Variants in LRRK2 observed in about 807,000 individuals in gnomAD.
LRRK2 encodes the protein leucine rich repeat kinase 2.
In LRRK2, 203 loss-of-function variants were observed where a neutral mutation model predicts 302.6. The observed-to-expected ratio is 0.67, with a 90% CI of 0.60 to 0.75. The LOEUF (loss-of-function observed/expected upper bound fraction) is 0.75, where lower values mean the gene tolerates loss of function less well. Among genes scored for constraint, LRRK2 ranks in the 30% least tolerant of loss-of-function variants. The pLI, the probability that LRRK2 is intolerant of heterozygous loss-of-function variation, is 0.00. For missense variants in LRRK2, 2,830 were observed against 2,951.0 expected (o/e 0.96, Z 0.95); for synonymous variants, 1,066 against 1,031.9 (o/e 1.03, Z -0.63).
In LRRK2 at chr12:40,321,788, C is replaced by T. The variant is rs4423250; in HGVS notation, c.5171-247C>T. Among the ~76,000 whole-genome samples, 13,280 of 152,056 alleles carry T rather than the reference C, an allele frequency of 0.087. 874 individuals carry two copies. The highest frequency in any genetic ancestry group is 0.12 in the Middle Eastern group (35 of 294). On this transcript the variant is annotated intron_variant, in intron 35 of 50. Coordinates refer to ENST00000298910, the MANE Select transcript of LRRK2 (RefSeq NM_198578.4). ...TTTATGATTTTCTTTCTTCATCTGTCGAGCATATTAAACTGCTTAACAGCA... is the reference window on the plus strand; with the variant it reads ...TTTATGATTTTCTTTCTTCATCTGTTGAGCATATTAAACTGCTTAACAGCA...
chr12:40,329,664 CT>C (rs1945655131), intron 39 of LRRK2, among the ~76,000 whole-genome samples: 1 of 151,990 alleles, frequency 6.6e-6, no homozygotes, highest in Non-Finnish European at 1.5e-5. Context: ...AATGGATTCT[CT>C]ATTGTTATGT....
chr12:40,358,968 ATT>A (rs890068247), intron 46 of LRRK2, among the ~76,000 whole-genome samples: 1 of 151,850 alleles, frequency 6.6e-6, no homozygotes, highest in African/African-American at 2.4e-5. Flanking sequence ...TATTTTATTA[ATT>A]TTTTGTAGCT....
intron 2 of LRRK2, among the ~76,000 whole-genome samples, chr12:40,227,211 T>G (rs1172357425): frequency 6.6e-6 from 1 of 152,190 alleles, no homozygotes; most frequent in African/African-American, 2.4e-5. Flanking sequence ...GTATATATTT[T>G]GGGGATACAT....
In LRRK2 at chr12:40,340,966, C is replaced by T. The variant is rs528360353; in HGVS notation, c.6109+512C>T. Among the ~76,000 whole-genome samples the T allele has an allele frequency of 5.3e-5, 8 of 152,300 alleles. No individual in the cohort carries two copies. The South Asian group carries it at 1.7e-3, about 32-fold the overall frequency. Reference sequence around the variant, plus strand: ...CTCATGCTCAGTGTGAATATGCATACATTTTGCTGCAGAAATATATACATG... The same window carrying T: ...CTCATGCTCAGTGTGAATATGCATATATTTTGCTGCAGAAATATATACATG... On this transcript the variant is annotated intron_variant, in intron 41 of 50. Coordinates refer to ENST00000298910, the MANE Select transcript of LRRK2 (RefSeq NM_198578.4).
At position 40,299,263 on chromosome 12, in the gene LRRK2, T is replaced by C; in HGVS notation, c.3496+6T>C. 3 of 1,612,950 alleles carry C rather than the reference T, an allele frequency of 1.9e-6. No individual in the cohort carries two copies. The highest frequency in any genetic ancestry group is 1.7e-6 in the Non-Finnish European group (2 of 1,179,390). ...TGCCAGAATGAATTTTCTTGGTAAG[T>C]GTTCTGTGTGGGTCTCCTCCTTACC... On this transcript the variant is annotated splice_donor_region_variant and intron_variant, in intron 25 of 50. Coordinates refer to ENST00000298910, the MANE Select transcript of LRRK2 (RefSeq NM_198578.4).
intron 3 of LRRK2, among the ~76,000 whole-genome samples, chr12:40,233,952 C>T (rs1941317533): frequency 6.6e-6 from 1 of 152,190 alleles, no homozygotes; most frequent in African/African-American, 2.4e-5. Flanking sequence ...CTGCTGTCTC[C>T]AGTGGAGTGT....
At chr12:40,298,843 T>C (rs1356322948) in intron 24 of LRRK2, among the ~76,000 whole-genome samples, 1 of 115,534 alleles carries the variant, frequency 8.7e-6, no homozygotes, top group South Asian at 2.8e-4. Context: ...TATATATTTA[T>C]TATATATAAT....
rs1481581956 is a variant in LRRK2 at position 40,364,885 on chromosome 12, T to A, written c.7225T>A (p.Ser2409Thr). ...AAACAAGGAATCAAAACACAAAATG[T>A]CTTATTCTGGGAGAGTGAAAACCCT... ...KENKESKHKM[S>T]YSGRVKTLCL... Residue 2409 changes from serine to threonine, a missense_variant, in exon 49 of 51, where the codon TCT becomes ACT. Ser to Thr is a moderately conservative substitution (Grantham distance 58, BLOSUM62 1). Transcript: ENST00000298910. 1 of 1,612,258 alleles carries A rather than the reference T, an allele frequency of 6.2e-7. No homozygotes were observed. The highest frequency in any genetic ancestry group is 1.3e-5 in the African/African-American group (1 of 74,824).
chr12:40,310,655 A>G lies in LRRK2; in HGVS notation c.4536+6A>G, dbSNP rs199973559. ...ACGAGAGCCTTAATTTCAAGGTAAC[A>G]TGGTAGGCTGGTAGAGAAATGTAAT... On this transcript the variant is annotated splice_donor_region_variant and intron_variant, in intron 31 of 50. Transcript: ENST00000298910. 2.0e-5 allele frequency: 32 copies of G among 1,612,394 alleles called. No homozygotes were observed. The highest frequency in any genetic ancestry group is 4.5e-5 in the East Asian group (2 of 44,880).
chr12:40,331,088 C>T (rs1207829451), intron 39 of LRRK2, among the ~76,000 whole-genome samples: 1 of 151,934 alleles, frequency 6.6e-6, no homozygotes, highest in Admixed American at 6.6e-5. Context: ...GTTATTTGCT[C>T]TGTGGGTTCA....
chr12:40,315,119 G>C lies in LRRK2; in HGVS notation c.4739-93G>C, dbSNP rs978033463. The C allele has an allele frequency of 4.6e-5, 48 of 1,036,770 alleles. 1 individual carries two copies. Among genetic ancestry groups the C allele is most frequent in the Middle Eastern group, 2.1e-4 (1 of 4,760 alleles). 64.2% of individuals were successfully genotyped at this position (1,036,770 alleles called of 1,614,324 possible). A position where few individuals can be genotyped will look rare whatever the true frequency, so the allele number is the denominator to read the frequency against. ...TAGCTATGCTGAAATTTCTTCACCTGCAAAATGAGGAAGTTGGACTAGATT... is the reference window on the plus strand; with the variant it reads ...TAGCTATGCTGAAATTTCTTCACCTCCAAAATGAGGAAGTTGGACTAGATT... On this transcript the variant is annotated intron_variant, in intron 32 of 50. Transcript: ENST00000298910.
intron 5 of LRRK2, among the ~76,000 whole-genome samples, chr12:40,239,979 T>G (rs540648594): frequency 1.2e-4 from 18 of 152,266 alleles, no homozygotes; most frequent in South Asian, 6.2e-4. Flanking sequence ...ATGATTTATA[T>G]TTTTGCTGTC....
Position 40,257,390 on chromosome 12 carries a change from C to A in LRRK2, c.1418+13C>A, listed in dbSNP as rs1942567416. The A allele has an allele frequency of 6.2e-7, 1 of 1,610,530 alleles. No individual in the cohort carries two copies. Among genetic ancestry groups the A allele is most frequent in the East Asian group, 2.2e-5 (1 of 44,674 alleles). On this transcript the variant is annotated intron_variant, in intron 12 of 50. Transcript: ENST00000298910. ...TTTTTGAAGGAAGGTAATATAGATT[C>A]ATTAACTTGTACAGAATATATCATA...
In LRRK2 at chr12:40,225,499, G is replaced by A. The variant is rs2723273; in HGVS notation, c.152-56G>A. On this transcript the variant is annotated intron_variant, in intron 1 of 50. Coordinates refer to ENST00000298910, the MANE Select transcript of LRRK2 (RefSeq NM_198578.4). ...TCTCCCCGTTTCAGACTAAAAAGGA[G>A]AGGGGGTGCTGTGGATTGTGACTTT... 1,463,021 of 1,471,046 alleles carry A rather than the reference G, an allele frequency of 0.99. 727,872 individuals carry two copies. Among genetic ancestry groups the A allele is most frequent in the East Asian group, 1 (44,117 of 44,118 alleles). The allele number at this position is 1,471,046 out of a possible 1,614,324, so 91.1% of individuals were successfully genotyped here. A position where few individuals can be genotyped will look rare whatever the true frequency, so the allele number is the denominator to read the frequency against.
At chr12:40,355,375 G>A (rs1946493978) in intron 45 of LRRK2, among the ~76,000 whole-genome samples, 2 of 152,012 alleles carry the variant, frequency 1.3e-5, no homozygotes, top group Admixed American at 6.6e-5. Flanking sequence ...GAAACGTACT[G>A]GAGCACCTTG....
Position 40,328,367 on chromosome 12 carries a change from C to T in LRRK2, c.5664C>T (p.Gly1888=). Residue 1888 remains glycine (G), a synonymous_variant, in exon 39 of 51, where the codon GGC becomes GGT. Coordinates refer to ENST00000298910, the MANE Select transcript of LRRK2 (RefSeq NM_198578.4). ...EQAPEFLLGD[G]SFGSVYRAAY... Reference sequence around the variant, plus strand: ...GTATTTTCTTTTCAAAAGGTGATGGCAGTTTTGGATCAGTTTACCGAGCAG... The same window carrying T: ...GTATTTTCTTTTCAAAAGGTGATGGTAGTTTTGGATCAGTTTACCGAGCAG... 6.2e-7 allele frequency: 1 copy of T among 1,613,312 alleles called. No individual in the cohort carries two copies.
chr12:40,272,242 A>G (rs1943261946), intron 14 of LRRK2, among the ~76,000 whole-genome samples: 3 of 152,222 alleles, frequency 2.0e-5, no homozygotes, highest in African/African-American at 7.2e-5. Flanking sequence ...CTGTTAATCA[A>G]ACAGAAAGTT....
intron 14 of LRRK2, among the ~76,000 whole-genome samples, chr12:40,271,951 A>G (rs1943245787): frequency 6.6e-6 from 1 of 152,254 alleles, no homozygotes; most frequent in South Asian, 2.1e-4. Flanking sequence ...TGTTAGATGT[A>G]GAGATATTGA....
chr12:40,308,762 T>C (rs568603897), intron 29 of LRRK2, 66 bp downstream of exon 29: 61 of 1,418,640 alleles, frequency 4.3e-5, no homozygotes, highest in Non-Finnish European at 5.2e-5. Flanking sequence ...ATTCAAAAAC[T>C]GAGCTTTCTG....
Sources: gnomAD v4.1 joint callset for allele counts (sites outside exome capture counted in the v4.1 genomes callset) on GRCh38, gnomAD v4.1.1 for gene constraint, MANE v1.5 for transcripts, NCBI Gene and HGNC (gene_info 2026-07-23, HGNC 2026-07-21) for gene names.